The following CYYR1 variants were observed in gnomAD, a reference collection of about 807,000 sequenced individuals.
CYYR1 encodes cysteine and tyrosine-rich protein 1.
Under a neutral mutation model 15.2 loss-of-function variants are expected in CYYR1, and 14 were observed. The observed-to-expected ratio is 0.92, with a 90% CI of 0.61 to 1.44. The LOEUF (loss-of-function observed/expected upper bound fraction) is 1.44, where lower values mean the gene tolerates loss of function less well. CYYR1 is among the 40% of genes most tolerant of loss of function. CYYR1 has a pLI of 0.00. For synonymous variants in CYYR1, 80 were observed against 77.4 expected (o/e 1.03, Z -0.18); for missense variants, 228 against 209.5 (o/e 1.09, Z -0.54).
chr21:26,530,997 G>C (rs1031269049), intron 2 of CYYR1, among the ~76,000 whole-genome samples: 10 of 152,132 alleles, frequency 6.6e-5, no homozygotes, highest in African/African-American at 2.4e-4. Context: ...CAATCAGACA[G>C]CTCCTACAGG....
At chr21:26,479,367 G>A (rs2065143294) in intron 3 of CYYR1, among the ~76,000 whole-genome samples, 1 of 151,532 alleles carries the variant, frequency 6.6e-6, no homozygotes, top group Non-Finnish European at 1.5e-5. Flanking sequence ...ACAAAGCACA[G>A]TTGCATGTAG....
chr21:26,539,985 GT>G (rs1978434034), intron 2 of CYYR1, among the ~76,000 whole-genome samples: 1 of 152,118 alleles, frequency 6.6e-6, no homozygotes, highest in South Asian at 2.1e-4. Flanking sequence ...GAGAAACAAG[GT>G]TGACATGCAA....
chr21:26,557,398 CAT>C (rs1979865449), intron 2 of CYYR1, among the ~76,000 whole-genome samples: 1 of 152,152 alleles, frequency 6.6e-6, no homozygotes, highest in African/African-American at 2.4e-5. Flanking sequence ...GTTATGGTAA[CAT>C]ATTCAATTCA....
intron 2 of CYYR1, among the ~76,000 whole-genome samples, chr21:26,562,403 T>C (rs1218147714): frequency 6.6e-6 from 1 of 152,154 alleles, no homozygotes; most frequent in East Asian, 1.9e-4. Context: ...AAATCGGATA[T>C]CTGATTTCCA....
rs2065972655 is a variant in CYYR1 at position 26,534,564 on chromosome 21, AC to A, written c.176+31701del. 4.6e-5 allele frequency among the ~76,000 whole-genome samples: 7 copies of A among 152,020 alleles called. 1 individual carries two copies. The highest frequency in any genetic ancestry group is 1.7e-4 in the African/African-American group (7 of 41,460). On this transcript the variant is annotated intron_variant, in intron 2 of 3. Coordinates refer to ENST00000652641, the MANE Select transcript of CYYR1 (RefSeq NM_001320768.2). ...AGATGGAGAGGAAAGGGAGAATAAA[AC>A]CTTTGATCCTTTGGCTCGCTCTCAG...
At chr21:26,517,561 C>G (rs923627886) in intron 2 of CYYR1, among the ~76,000 whole-genome samples, 8 of 152,102 alleles carry the variant, frequency 5.3e-5, no homozygotes, top group Non-Finnish European at 4.4e-5. Flanking sequence ...AGAGCCCAGA[C>G]AGTTCTTTTT....
At chr21:26,526,458 C>A (rs1336815986) in intron 2 of CYYR1, among the ~76,000 whole-genome samples, 1 of 151,668 alleles carries the variant, frequency 6.6e-6, no homozygotes, top group Non-Finnish European at 1.5e-5. Context: ...CACCCCCCAA[C>A]AACAACAACA....
chr21:26,554,178 A>G (rs1237241811), intron 2 of CYYR1, among the ~76,000 whole-genome samples: 1 of 152,190 alleles, frequency 6.6e-6, no homozygotes, highest in Non-Finnish European at 1.5e-5. Context: ...CACTCAATCT[A>G]TACAGCACTA....
chr21:26,472,279 A>T (rs1331751556), intron 3 of CYYR1, among the ~76,000 whole-genome samples: 1 of 152,012 alleles, frequency 6.6e-6, no homozygotes, highest in Admixed American at 6.6e-5. Context: ...TTTGAGGTTA[A>T]TTTTTTATTA....
intron 2 of CYYR1, among the ~76,000 whole-genome samples, chr21:26,488,240 A>ACTTCCTTCCTTCCTTC (rs71336135): frequency 1.3e-3 from 185 of 139,418 alleles, no homozygotes; most frequent in East Asian, 1.9e-3. Flanking sequence ...ATCTTCCCCT[A>ACTTCCTTCCTTCCTTC]CTTCCTTCCT....
chr21:26,555,829 C>G (rs117638454), intron 2 of CYYR1, among the ~76,000 whole-genome samples: 1 of 152,102 alleles, frequency 6.6e-6, no homozygotes, highest in South Asian at 2.1e-4. Flanking sequence ...CAGAATTCTT[C>G]CAACATAATG....
At chr21:26,513,247 T>C (rs2065675461) in intron 2 of CYYR1, among the ~76,000 whole-genome samples, 1 of 152,196 alleles carries the variant, frequency 6.6e-6, no homozygotes, top group Admixed American at 6.5e-5. Context: ...CGATCCTTAG[T>C]CTTGCACTCA....
intron 2 of CYYR1, chr21:26,552,197 T>C (rs1026367492): frequency 3.9e-5 from 6 of 152,192 alleles, no homozygotes; most frequent in Admixed American, 2.6e-4. Flanking sequence ...CAACTTTATA[T>C]GTACCAAGAA....
chr21:26,499,903 T>TG lies in CYYR1; in HGVS notation c.177-19475dup, dbSNP rs1166441241. Among the ~76,000 whole-genome samples, 9 of 151,850 alleles carry TG rather than the reference T, an allele frequency of 5.9e-5. No homozygotes were observed. In the East Asian group the frequency reaches 1.8e-3, roughly 30 times the overall value. The stretch of plus-strand genomic sequence containing the variant: ...GGGAGAGAACTGGAAAGGGCTTGAT[T>TG]GGGGAAATTTATACCCTACCCAAAA... On this transcript the variant is annotated intron_variant, in intron 2 of 3. Transcript: ENST00000652641.
intron 2 of CYYR1, among the ~76,000 whole-genome samples, chr21:26,539,052 GA>G (rs1199182065): frequency 6.6e-6 from 1 of 152,066 alleles, no homozygotes; most frequent in Non-Finnish European, 1.5e-5. Flanking sequence ...AAACAACTGT[GA>G]TTTTTATTGG....
chr21:26,537,016 G>T (rs1179653785), intron 2 of CYYR1, among the ~76,000 whole-genome samples: 1 of 152,166 alleles, frequency 6.6e-6, no homozygotes, highest in African/African-American at 2.4e-5. Context: ...TGATGGAAAA[G>T]CATTAAGTGC....
intron 2 of CYYR1, among the ~76,000 whole-genome samples, chr21:26,508,649 T>A (rs1392237446): frequency 6.6e-6 from 1 of 152,166 alleles, no homozygotes; most frequent in Admixed American, 6.5e-5. Flanking sequence ...AAGTAAATAG[T>A]TTGTAAGATC....
At chr21:26,468,735 T>G in intron 3 of CYYR1, 101 bp from the exon 4 acceptor site, 1 of 881,280 alleles carries the variant, frequency 1.1e-6, no homozygotes, top group Non-Finnish European at 1.7e-6. Flanking sequence ...GGACATAAAT[T>G]GTGGCTGCAA....
chr21:26,478,176 TTAGC>T (rs2065127580), intron 3 of CYYR1: 1 of 1,546,858 alleles, frequency 6.5e-7, no homozygotes, highest in African/African-American at 1.4e-5. Context: ...AACATAATGA[TTAGC>T]TAAACTATAC....
Sources: allele counts gnomAD v4.1 joint callset (sites outside exome capture counted in the v4.1 genomes callset), GRCh38; gene constraint gnomAD v4.1.1; transcripts MANE v1.5; gene names NCBI Gene and HGNC (gene_info 2026-07-23, HGNC 2026-07-21).